PCDHGB2: variants seen among roughly 807,000 people sequenced by gnomAD.
PCDHGB2 encodes protocadherin gamma-B2.
In PCDHGB2, 55 loss-of-function variants were observed where a neutral mutation model predicts 59.3. The observed-to-expected ratio is 0.93, with a 90% CI of 0.75 to 1.16. The LOEUF (loss-of-function observed/expected upper bound fraction) is 1.16, where lower values mean the gene tolerates loss of function less well. PCDHGB2 is among the 50% of genes most tolerant of loss of function. The pLI, the probability that PCDHGB2 is intolerant of heterozygous loss-of-function variation, is 0.00. For missense variants in PCDHGB2, 1,228 were observed against 1,198.5 expected (o/e 1.02, Z -0.36); for synonymous variants, 516 against 512.0 (o/e 1.01, Z -0.11).
chr5:141,444,524 A>G (rs563709940), intron 1 of PCDHGB2, among the ~76,000 whole-genome samples: 47 of 152,224 alleles, frequency 3.1e-4, no homozygotes, highest in African/African-American at 1.1e-3. Context: ...AGTAGGTGAG[A>G]CAGTGACTGT....
rs951502238 is a variant in PCDHGB2 at position 141,478,263 on chromosome 5, A to G, written c.2422-16544A>G. ...ACAGTGTTCGGAGTAATCATATTCA[A>G]AGTTTACAAGTGGAAGCAGTCTAGA... On this transcript the variant is annotated intron_variant, in intron 1 of 3. Coordinates refer to ENST00000522605, the MANE Select transcript of PCDHGB2 (RefSeq NM_018923.3). The G allele has an allele frequency of 2.5e-6, 4 of 1,614,046 alleles. No individual in the cohort carries two copies. The African/African-American group carries it at 5.3e-5, about 22-fold the overall frequency.
At position 141,491,458 on chromosome 5, in the gene PCDHGB2, G is replaced by T. The variant is rs867069360; in HGVS notation, c.2422-3349G>T. 1.9e-6 allele frequency: 3 copies of T among 1,613,974 alleles called. No homozygotes were observed. The highest frequency in any genetic ancestry group is 1.6e-4 in the Middle Eastern group (1 of 6,084). On this transcript the variant is annotated intron_variant, in intron 1 of 3. Coordinates refer to ENST00000522605, the MANE Select transcript of PCDHGB2 (RefSeq NM_018923.3). This position sits in a 1 kb window ranked among gnomAD's most constrained non-coding sequence, Gnocchi z 6.9. ...CAGGCGCCAGGACTCACCCTCCCCGGACTTCTATAAGCAGTCCAGCCCCAA... is the reference window on the plus strand; with the variant it reads ...CAGGCGCCAGGACTCACCCTCCCCGTACTTCTATAAGCAGTCCAGCCCCAA...
intron 1 of PCDHGB2, chr5:141,393,221 AG>A (rs1394795238): frequency 1.2e-6 from 2 of 1,613,690 alleles, no homozygotes; most frequent in South Asian, 2.2e-5. Flanking sequence ...TCCAGGTCGA[AG>A]ATCTAGAAGT....
At chr5:141,364,994 C>A (rs1469218354) in intron 1 of PCDHGB2, 1 of 1,613,924 alleles carries the variant, frequency 6.2e-7, no homozygotes, top group South Asian at 1.1e-5. Context: ...AGACCCGGTA[C>A]TCTCCGGCAC....
At chr5:141,388,115 G>C (rs747417828) in intron 1 of PCDHGB2, 1 of 1,410,070 alleles carries the variant, frequency 7.1e-7, no homozygotes. Flanking sequence ...ACTTCACCGT[G>C]AGCGCAGAGA....
intron 1 of PCDHGB2, among the ~76,000 whole-genome samples, chr5:141,450,750 G>C (rs778218781): frequency 1.1e-4 from 16 of 152,002 alleles, no homozygotes; most frequent in Admixed American, 2.0e-4. Context: ...GCCTCCCAAA[G>C]TGCCGGGATT....
Position 141,432,454 on chromosome 5 carries a change from C to T in PCDHGB2, c.2422-62353C>T, listed in dbSNP as rs751733947. On this transcript the variant is annotated intron_variant, in intron 1 of 3. Coordinates refer to ENST00000522605, the MANE Select transcript of PCDHGB2 (RefSeq NM_018923.3). The surrounding 1 kb of genome is among the most constrained non-coding windows in gnomAD (Gnocchi z 6.0). ...ACAATGCGCCCGAGATCCTGTACCC[C>T]GCCCTCCCCACGGACGGTTCCACTG... 134 of 1,614,108 alleles carry T rather than the reference C, an allele frequency of 8.3e-5. No homozygotes were observed. The highest frequency in any genetic ancestry group is 1.1e-4 in the Non-Finnish European group (133 of 1,180,058).
rs770154641 is a variant in PCDHGB2, at chr5:141,372,296, C to T, written c.2421+9740C>T. ...TGCGCACGGCGCGTACCTTGGGCGA[C>T]AGGGAGGCCGCCCGCCAGCGCCTGC... On this transcript the variant is annotated intron_variant, in intron 1 of 3. Coordinates refer to ENST00000522605, the MANE Select transcript of PCDHGB2 (RefSeq NM_018923.3). 5 of 1,613,184 alleles carry T rather than the reference C, an allele frequency of 3.1e-6. No individual in the cohort carries two copies. The African/African-American group carries it at 5.3e-5, about 17-fold the overall frequency.
intron 1 of PCDHGB2, chr5:141,374,693 G>A (rs1222347266): frequency 6.2e-7 from 1 of 1,609,316 alleles, no homozygotes; most frequent in Non-Finnish European, 8.5e-7. Flanking sequence ...GGACCGGGAA[G>A]GAGAAGCCGT....
chr5:141,428,194 T>C (rs2097123409), intron 1 of PCDHGB2: 1 of 1,414,108 alleles, frequency 7.1e-7, no homozygotes, highest in Admixed American at 1.8e-5. Flanking sequence ...CGCCGCTCTC[T>C]GCGCCGCTAC....
At chr5:141,394,764 C>T in intron 1 of PCDHGB2, 3 of 1,613,450 alleles carry the variant, frequency 1.9e-6, no homozygotes, top group Middle Eastern at 1.6e-4. Flanking sequence ...GGACCATGGC[C>T]AGCCCCCTCT....
intron 1 of PCDHGB2, chr5:141,366,279 G>T: frequency 6.2e-7 from 1 of 1,613,692 alleles, no homozygotes; most frequent in Non-Finnish European, 8.5e-7. Context: ...GAAGACCATG[G>T]CCAGCCCCCT....
intron 1 of PCDHGB2, among the ~76,000 whole-genome samples, chr5:141,481,863 G>A (rs182704348): frequency 8.8e-4 from 130 of 147,602 alleles, no homozygotes; most frequent in African/African-American, 3.3e-3. Flanking sequence ...GCAGTGAGCC[G>A]AGATCGCGCC....
intron 1 of PCDHGB2, chr5:141,365,152 C>G: frequency 6.2e-7 from 1 of 1,613,880 alleles, no homozygotes. Context: ...AGGGAATAAA[C>G]GGGAAATTGA....
At chr5:141,403,350 TC>T in intron 1 of PCDHGB2, 2 of 1,613,994 alleles carry the variant, frequency 1.2e-6, no homozygotes, top group Non-Finnish European at 1.7e-6. Flanking sequence ...GCCCCAAAGT[TC>T]CAGGCCGAAA....
At chr5:141,419,652 CG>C (rs767047378) in intron 1 of PCDHGB2, 3 of 1,612,590 alleles carry the variant, frequency 1.9e-6, no homozygotes, top group Non-Finnish European at 1.7e-6. Context: ...GACGCGGACT[CG>C]GGGCACAATG....
chr5:141,379,813 T>C (rs1775841720), intron 1 of PCDHGB2, among the ~76,000 whole-genome samples: 1 of 150,950 alleles, frequency 6.6e-6, no homozygotes, highest in South Asian at 2.1e-4. Flanking sequence ...GAGAGTTCAG[T>C]ATAGAATTTT....
intron 1 of PCDHGB2, chr5:141,427,415 T>G: frequency 2.1e-6 from 1 of 465,414 alleles, no homozygotes; most frequent in Non-Finnish European, 4.3e-6. Context: ...CGAGAGAAAA[T>G]GGGGAGGTTA....
chr5:141,375,820 C>T (rs62378422), intron 1 of PCDHGB2: 145,173 of 1,614,058 alleles, frequency 0.09, 7,179 homozygotes, highest in African/African-American at 0.18. Context: ...AGCTGGCGCC[C>T]CGCTCCGCAG....
Sources: allele counts gnomAD v4.1 joint callset (sites outside exome capture counted in the v4.1 genomes callset), GRCh38; gene constraint gnomAD v4.1.1; non-coding constraint Gnocchi (gnomAD v3.1); transcripts MANE v1.5; gene names NCBI Gene and HGNC (gene_info 2026-07-23, HGNC 2026-07-21).